Variants in NR2F1-AS1 observed in about 807,000 individuals in gnomAD.
NR2F1-AS1 encodes the protein NR2F1 antisense RNA 1.
At chr5:93,531,458 G>A (rs1751735192) in intron 4 of NR2F1-AS1, among the ~76,000 whole-genome samples, 1 of 152,180 alleles carries the variant, frequency 6.6e-6, no homozygotes, top group Non-Finnish European at 1.5e-5. Context: ...GATCCAAACT[G>A]CATGGTCTGG....
At chr5:93,499,766 TAA>T (rs1751039730) in intron 4 of NR2F1-AS1, among the ~76,000 whole-genome samples, 1 of 152,180 alleles carries the variant, frequency 6.6e-6, no homozygotes, top group Admixed American at 6.5e-5. Context: ...GAATGTAAAG[TAA>T]AAGTTTTTGA....
At chr5:93,440,465 C>G (rs1051543759) in intron 4 of NR2F1-AS1, among the ~76,000 whole-genome samples, 32 of 152,204 alleles carry the variant, frequency 2.1e-4, no homozygotes, top group African/African-American at 7.5e-4. Flanking sequence ...TTTCTCTCTA[C>G]TTGTCTTCAA....
intron 4 of NR2F1-AS1, among the ~76,000 whole-genome samples, chr5:93,486,907 T>C (rs1437947843): frequency 6.6e-6 from 1 of 152,130 alleles, no homozygotes; most frequent in Non-Finnish European, 1.5e-5. Flanking sequence ...CCACAATAAG[T>C]TGGCTTCATC....
chr5:93,500,541 G>A lies in NR2F1-AS1; in HGVS notation n.638+53220C>T, dbSNP rs143903250. On this transcript the variant is annotated intron_variant and non_coding_transcript_variant, in intron 4 of 5. Coordinates refer to ENST00000660523, the Ensembl canonical transcript of NR2F1-AS1. The stretch of plus-strand genomic sequence containing the variant: ...CACCTGATCACCCAAGAGCTCTGAT[G>A]GAGATGACAAAAAGATTCACATTGT... Among the ~76,000 whole-genome samples, 471 of 152,224 alleles carry A rather than the reference G, an allele frequency of 3.1e-3. 1 individual carries two copies. Among genetic ancestry groups the A allele is most frequent in the African/African-American group, 0.011 (449 of 41,554 alleles).
At chr5:93,508,417 A>T (rs1211680853) in intron 4 of NR2F1-AS1, among the ~76,000 whole-genome samples, 1 of 152,174 alleles carries the variant, frequency 6.6e-6, no homozygotes, top group Admixed American at 6.5e-5. Flanking sequence ...TGAGAAAATT[A>T]GTTACATACG....
intron 4 of NR2F1-AS1, among the ~76,000 whole-genome samples, chr5:93,532,195 G>A (rs192012714): frequency 2.4e-4 from 37 of 151,932 alleles, no homozygotes; most frequent in Non-Finnish European, 3.8e-4. Context: ...AATGTTCTTC[G>A]TTATTTTAAC....
intron 1 of NR2F1-AS1, among the ~76,000 whole-genome samples, chr5:93,569,692 A>C (rs1164390789): frequency 6.6e-6 from 1 of 152,176 alleles, no homozygotes; most frequent in Non-Finnish European, 1.5e-5. Flanking sequence ...TAACCAAATG[A>C]CTTCACCTAT....
At chr5:93,487,545 A>C (rs1226285074) in intron 4 of NR2F1-AS1, among the ~76,000 whole-genome samples, 1 of 152,214 alleles carries the variant, frequency 6.6e-6, no homozygotes, top group African/African-American at 2.4e-5. Context: ...AGGGATGTAA[A>C]GGACCTCTTC....
At chr5:93,489,201 T>A (rs1020767598) in intron 4 of NR2F1-AS1, among the ~76,000 whole-genome samples, 1 of 151,252 alleles carries the variant, frequency 6.6e-6, no homozygotes, top group Non-Finnish European at 1.5e-5. Flanking sequence ...GTAACAAACC[T>A]GCATGTTCTG....
intron 4 of NR2F1-AS1, among the ~76,000 whole-genome samples, chr5:93,512,191 GACA>G (rs760480860): frequency 3.3e-5 from 5 of 152,152 alleles, no homozygotes; most frequent in Non-Finnish European, 5.9e-5. Flanking sequence ...TGGGATGGAA[GACA>G]ACGATATTGA....
chr5:93,555,132 T>C (rs1254801014), intron 2 of NR2F1-AS1: 1 of 152,172 alleles, frequency 6.6e-6, no homozygotes, highest in Non-Finnish European at 1.5e-5. Flanking sequence ...CTCACCAAAA[T>C]TGGATGTCTT....
intron 2 of NR2F1-AS1, among the ~76,000 whole-genome samples, chr5:93,555,931 C>A (rs1486399813): frequency 1.3e-5 from 2 of 152,104 alleles, no homozygotes; most frequent in South Asian, 2.1e-4. Context: ...AAATGTTCTA[C>A]ATAATAAAAT....
At chr5:93,456,077 A>T (rs923539521) in intron 4 of NR2F1-AS1, among the ~76,000 whole-genome samples, 5 of 152,214 alleles carry the variant, frequency 3.3e-5, no homozygotes, top group Non-Finnish European at 7.3e-5. Context: ...TGTACTGGAA[A>T]TCCTAGAGAA....
intron 2 of NR2F1-AS1, among the ~76,000 whole-genome samples, chr5:93,561,270 A>G (rs1036445670): frequency 1.3e-5 from 2 of 152,190 alleles, no homozygotes; most frequent in African/African-American, 4.8e-5. Flanking sequence ...AAAAAAAAAT[A>G]AAAAAGCTAT....
intron 4 of NR2F1-AS1, among the ~76,000 whole-genome samples, chr5:93,426,489 T>C (rs923929574): frequency 6.6e-6 from 1 of 152,204 alleles, no homozygotes; most frequent in Admixed American, 6.5e-5. Context: ...ACAAACAACA[T>C]AGGCTCTGGA....
chr5:93,459,866 T>A (rs1410473596), intron 4 of NR2F1-AS1, among the ~76,000 whole-genome samples: 1 of 152,066 alleles, frequency 6.6e-6, no homozygotes, highest in Non-Finnish European at 1.5e-5. Context: ...AAAGGGAATG[T>A]GGGAACTGGA....
chr5:93,450,988 A>G (rs1749817839), intron 4 of NR2F1-AS1, among the ~76,000 whole-genome samples: 1 of 151,818 alleles, frequency 6.6e-6, no homozygotes, highest in Admixed American at 6.6e-5. Context: ...TTAACACTGA[A>G]ACTCTTAACA....
intron 4 of NR2F1-AS1, among the ~76,000 whole-genome samples, chr5:93,431,671 A>G (rs1347486783): frequency 6.6e-6 from 1 of 152,230 alleles, no homozygotes; most frequent in Non-Finnish European, 1.5e-5. Context: ...GTCTTGTAAT[A>G]AACAGAATCC....
intron 4 of NR2F1-AS1, among the ~76,000 whole-genome samples, chr5:93,526,586 A>G (rs1199809081): frequency 6.6e-6 from 1 of 152,182 alleles, no homozygotes. Context: ...ACATCGATGC[A>G]AAAATCCTCA....
Sources: gnomAD v4.1 joint callset for allele counts (sites outside exome capture counted in the v4.1 genomes callset) on GRCh38, gnomAD v4.1.1 for gene constraint, MANE v1.5 for transcripts, NCBI Gene and HGNC (gene_info 2026-07-23, HGNC 2026-07-21) for gene names.